Variants in LHFPL5 observed in about 807,000 individuals in gnomAD.
The protein encoded by LHFPL5 is LHFPL tetraspan subfamily member 5 protein.
In LHFPL5, 12 loss-of-function variants were observed where a neutral mutation model predicts 18.7. The ratio of observed to expected loss-of-function variants is 0.64; its 90% CI spans 0.41 to 1.04. The LOEUF (loss-of-function observed/expected upper bound fraction) is 1.04. Ranked by LOEUF, LHFPL5 falls within the 50% of genes least tolerant of loss-of-function variation. LHFPL5 has a pLI of 0.00. For synonymous variants in LHFPL5, 111 were observed against 120.2 expected, an observed-to-expected ratio of 0.92 and a Z score of 0.50; for missense variants, 259 against 292.1, an observed-to-expected ratio of 0.89 and a Z score of 0.83.
chr6:35,816,345 C>CAAAAAAAAAAAAAAAA (rs761580974), intron 2 of LHFPL5, among the ~76,000 whole-genome samples: 4 of 77,620 alleles, frequency 5.2e-5, no homozygotes, highest in Non-Finnish European at 7.7e-5. Flanking sequence ...GACTCCGTCT[C>CAAAAAAAAAAAAAAAA]AAAAAAAAAA....
intron 1 of LHFPL5, among the ~76,000 whole-genome samples, chr6:35,810,081 C>T (rs942415092): frequency 2.6e-5 from 4 of 152,208 alleles, no homozygotes; most frequent in African/African-American, 9.7e-5. Context: ...TGCTAAAGAA[C>T]ACTAGAGCTT....
rs1351834038 is a variant in LHFPL5 at position 35,823,088 on chromosome 6, G to A, written c.*123G>A. 1 of 152,114 alleles carries A rather than the reference G, an allele frequency of 6.6e-6. No homozygotes were observed. The highest frequency in any genetic ancestry group is 1.5e-5 in the Non-Finnish European group (1 of 68,016). The allele number at this position is 152,114 out of a possible 1,614,324, so 9.4% of individuals were successfully genotyped here. A position where few individuals can be genotyped will look rare whatever the true frequency, so the allele number is the denominator to read the frequency against. On this transcript the variant is annotated 3_prime_UTR_variant, in exon 4 of 4. Coordinates refer to ENST00000360215, the MANE Select transcript of LHFPL5 (RefSeq NM_182548.4). ...CCTGGCTACTATAGGCCTGAAGCCT[G>A]AAGCCTTTTATTATAACACTAAAAC... is the stretch of plus-strand genomic sequence containing the variant.
chr6:35,813,992 T>C (rs1316567826), intron 1 of LHFPL5, among the ~76,000 whole-genome samples: 1 of 151,964 alleles, frequency 6.6e-6, no homozygotes, highest in African/African-American at 2.4e-5. Flanking sequence ...GAACAGGGTT[T>C]CTCCATGTTG....
At chr6:35,819,659 G>A (rs1768829489) in intron 3 of LHFPL5, 196 bp downstream of exon 3, 2 of 618,954 alleles carry the variant, frequency 3.2e-6, no homozygotes, top group Non-Finnish European at 5.8e-6. Flanking sequence ...GAGCAAACAG[G>A]AAGCCTTTAG....
At position 35,805,934 on chromosome 6, in the gene LHFPL5, C is replaced by T. The variant is rs1561950842; in HGVS notation, c.264C>T (p.Ser88=). 1 of 1,614,258 alleles carries T rather than the reference C, an allele frequency of 6.2e-7. No homozygotes were observed. Among genetic ancestry groups the T allele is most frequent in the Middle Eastern group, 1.6e-4 (1 of 6,062 alleles). The stretch of plus-strand genomic sequence containing the variant: ...AGGGCGGCCCCCTAGACTTCTCCTC[C>T]ATCCCCTCTAGAGCCTTCAAGACTG... ...ICKGGPLDFS[S]IPSRAFKTAM... Residue 88 remains serine, a synonymous_variant, in exon 1 of 4, where the codon TCC becomes TCT. Coordinates refer to ENST00000360215, the MANE Select transcript of LHFPL5 (RefSeq NM_182548.4). The surrounding 1 kb of genome is among the most constrained non-coding windows in gnomAD (Gnocchi z 4.3).
At chr6:35,813,046 C>T (rs11964319) in intron 1 of LHFPL5, among the ~76,000 whole-genome samples, 41,530 of 151,554 alleles carry the variant, frequency 0.27, 6,057 homozygotes, top group South Asian at 0.41. Context: ...CAGAGCAAGA[C>T]TCTGTCTCAA....
intron 1 of LHFPL5, among the ~76,000 whole-genome samples, chr6:35,810,986 G>A (rs571264006): frequency 4.9e-4 from 74 of 152,256 alleles, no homozygotes; most frequent in Non-Finnish European, 3.7e-4. Flanking sequence ...ACCGGGGATC[G>A]GTGGGGGCTC....
chr6:35,819,583 CT>C, intron 3 of LHFPL5, 120 bp downstream of exon 3: 1 of 970,338 alleles, frequency 1.0e-6, no homozygotes, highest in South Asian at 1.4e-5. Context: ...TGTGATGCTG[CT>C]TGGGGAGAGA....
At chr6:35,808,771 T>C (rs544317317) in intron 1 of LHFPL5, among the ~76,000 whole-genome samples, 16 of 151,238 alleles carry the variant, frequency 1.1e-4, no homozygotes, top group South Asian at 2.1e-4. Flanking sequence ...CCCTGAAACA[T>C]CCCCCAACAG....
At chr6:35,807,462 C>T (rs938808374) in intron 1 of LHFPL5, among the ~76,000 whole-genome samples, 5 of 152,122 alleles carry the variant, frequency 3.3e-5, no homozygotes, top group African/African-American at 1.2e-4. Flanking sequence ...CCTCTGGTAC[C>T]TTGGTCCCTG....
At chr6:35,822,488 A>C (rs948932947) in intron 3 of LHFPL5, among the ~76,000 whole-genome samples, 3 of 152,002 alleles carry the variant, frequency 2.0e-5, no homozygotes, top group African/African-American at 7.2e-5. Flanking sequence ...TTTGATACAT[A>C]GTTTTTTTGT....
At chr6:35,809,661 A>G (rs6910260) in intron 1 of LHFPL5, among the ~76,000 whole-genome samples, 64,868 of 151,896 alleles carry the variant, frequency 0.43, 15,990 homozygotes, top group African/African-American at 0.68. Flanking sequence ...ATGCCAGCAC[A>G]CCCAGCCAAT....
chr6:35,815,042 A>G (rs1457495125), intron 2 of LHFPL5, among the ~76,000 whole-genome samples: 1 of 152,166 alleles, frequency 6.6e-6, no homozygotes, highest in Non-Finnish European at 1.5e-5. Context: ...AGAGAGCTGC[A>G]ATCCAGCCTT....
At chr6:35,819,414 T>C (rs775342343) in intron 2 of LHFPL5, 23 bp from the exon 3 acceptor site, 1 of 1,613,496 alleles carries the variant, frequency 6.2e-7, no homozygotes, top group Admixed American at 1.7e-5. Context: ...TAGTAACGTA[T>C]ACTGTTCTCT....
Position 35,819,444 on chromosome 6 carries a change from G to A in LHFPL5, c.657G>A (p.Val219=). The A allele has an allele frequency of 1.9e-6, 3 of 1,614,148 alleles. No individual in the cohort carries two copies. Among genetic ancestry groups the A allele is most frequent in the Non-Finnish European group, 2.5e-6 (3 of 1,179,992 alleles). The change falls in exon 3 of 4, where the codon GTG becomes GTA. Residue 219 remains valine, a synonymous_variant. Coordinates refer to ENST00000360215, the MANE Select transcript of LHFPL5 (RefSeq NM_182548.4). ...TTCTCTCCTTCATTACAGAGGAGGT[G>A]TGAAGCAGCTGAAGGGTCGGTGAGT... ...DDYKADGTEE[V]
chr6:35,810,886 A>G (rs918169947), intron 1 of LHFPL5, among the ~76,000 whole-genome samples: 2 of 152,086 alleles, frequency 1.3e-5, no homozygotes, highest in African/African-American at 2.4e-5. Flanking sequence ...ATCAGTGAGC[A>G]TGAGAAGTGA....
chr6:35,811,797 G>A (rs1028568308), intron 1 of LHFPL5, among the ~76,000 whole-genome samples: 1 of 152,244 alleles, frequency 6.6e-6, no homozygotes, highest in Non-Finnish European at 1.5e-5. Context: ...GTTTCACCAC[G>A]GAGCTGTGGA....
intron 3 of LHFPL5, among the ~76,000 whole-genome samples, chr6:35,820,524 C>G (rs969416907): frequency 2.2e-4 from 33 of 151,978 alleles, no homozygotes; most frequent in African/African-American, 6.7e-4. Context: ...CATGGTGAAA[C>G]CCCGTCTCTA....
chr6:35,814,422 T>A lies in LHFPL5; in HGVS notation c.413-124T>A. The A allele has an allele frequency of 1.2e-6, 1 of 834,588 alleles. No homozygotes were observed. Among genetic ancestry groups the A allele is most frequent in the Non-Finnish European group, 2.1e-6 (1 of 476,110 alleles). The allele number at this position is 834,588 out of a possible 1,614,324, so 51.7% of individuals were successfully genotyped here. The stretch of plus-strand genomic sequence containing the variant: ...GAAGGATGGTAGAGGCTGCCTCTCA[T>A]GCCTCCTGAGGCTGTTAACAGAAGG... On this transcript the variant is annotated intron_variant, in intron 1 of 3. Coordinates refer to ENST00000360215, the MANE Select transcript of LHFPL5 (RefSeq NM_182548.4). The surrounding 1 kb of genome is among the most constrained non-coding windows in gnomAD (Gnocchi z 4.2).
Sources: gnomAD v4.1 joint callset for allele counts (sites outside exome capture counted in the v4.1 genomes callset) on GRCh38, gnomAD v4.1.1 for gene constraint, Gnocchi (gnomAD v3.1) non-coding constraint, MANE v1.5 for transcripts, NCBI Gene and HGNC (gene_info 2026-07-23, HGNC 2026-07-21) for gene names.